DGKI: variants seen among roughly 807,000 people sequenced by gnomAD.
The protein encoded by DGKI is DAG kinase iota.
In DGKI, 55 loss-of-function variants were observed where a neutral mutation model predicts 147.5. The ratio of observed to expected loss-of-function variants is 0.37; its 90% CI spans 0.30 to 0.47. The LOEUF (loss-of-function observed/expected upper bound fraction) is 0.47. Among genes scored for constraint, DGKI ranks in the 20% least tolerant of loss-of-function variants. The pLI, the probability that DGKI is intolerant of heterozygous loss-of-function variation, is 1.00. For synonymous variants in DGKI, 469 were observed against 477.1 expected (o/e 0.98, Z 0.22); for missense variants, 1,007 against 1,323.8 (o/e 0.76, Z 3.71).
chr7:137,789,735 G>A (rs1796791622), intron 1 of DGKI, among the ~76,000 whole-genome samples: 1 of 152,146 alleles, frequency 6.6e-6, no homozygotes, highest in Non-Finnish European at 1.5e-5. Context: ...GCGCAATTCT[G>A]TATTTTGATA....
rs757239342 is a variant in DGKI at position 137,487,651 on chromosome 7, C to T, written c.2287G>A (p.Asp763Asn). ...LGILVVRGDC[D>N]LETCRMYIDR... ...ATGTACATACGGCAAGTCTCCAAAT[C>T]ACAGTCTCCACGCACAACTAGAATA... The change falls in exon 22 of 33, where the codon GAT (aspartate) becomes AAT (asparagine). Residue 763 changes from aspartate to asparagine, a missense_variant. By Grantham distance (23) the Asp-to-Asn change is conservative. Transcript: ENST00000614521. 1 of 1,613,816 alleles carries T rather than the reference C, an allele frequency of 6.2e-7. No homozygotes were observed. Among genetic ancestry groups the T allele is most frequent in the Non-Finnish European group, 8.5e-7 (1 of 1,179,770 alleles).
intron 22 of DGKI, 136 bp from the exon 23 acceptor site, chr7:137,485,554 T>C (rs1815526112): frequency 1.5e-6 from 1 of 677,070 alleles, no homozygotes; most frequent in Non-Finnish European, 2.5e-6. Context: ...CCCAAATTCA[T>C]AAAGGTTAAA....
chr7:137,728,873 T>C (rs997338226), intron 1 of DGKI, among the ~76,000 whole-genome samples: 9 of 152,146 alleles, frequency 5.9e-5, no homozygotes, highest in Non-Finnish European at 5.9e-5. Context: ...TCTACTATGA[T>C]TGATTTTGAG....
chr7:137,498,794 T>C (rs1202996281), intron 21 of DGKI, among the ~76,000 whole-genome samples: 3 of 152,184 alleles, frequency 2.0e-5, no homozygotes, highest in African/African-American at 7.2e-5. Flanking sequence ...ATTGACACTA[T>C]ATTACCCCCT....
At chr7:137,603,001 A>G (rs540729756) in intron 10 of DGKI, among the ~76,000 whole-genome samples, 1 of 152,282 alleles carries the variant, frequency 6.6e-6, no homozygotes, top group African/African-American at 2.4e-5. Context: ...GGTATTCCTA[A>G]GGAGTAAAAG....
At chr7:137,505,274 G>T (rs934011351) in intron 21 of DGKI, among the ~76,000 whole-genome samples, 1 of 152,172 alleles carries the variant, frequency 6.6e-6, no homozygotes, top group Non-Finnish European at 1.5e-5. Flanking sequence ...ACATAATGAT[G>T]CCTTCTCCTT....
intron 1 of DGKI, among the ~76,000 whole-genome samples, chr7:137,728,707 T>A (rs916888365): frequency 6.6e-6 from 1 of 152,162 alleles, no homozygotes; most frequent in Middle Eastern, 3.2e-3. Context: ...TCACCAGCTT[T>A]TCCCCCCATG....
intron 6 of DGKI, among the ~76,000 whole-genome samples, chr7:137,639,005 T>C (rs1447318688): frequency 6.6e-6 from 1 of 152,174 alleles, no homozygotes; most frequent in Admixed American, 6.5e-5. Flanking sequence ...GCTTTACATA[T>C]ATGATCTCAT....
chr7:137,585,105 T>G, intron 14 of DGKI, 104 bp downstream of exon 14: 1 of 1,305,584 alleles, frequency 7.7e-7, no homozygotes, highest in East Asian at 2.3e-5. Flanking sequence ...TCACATTATC[T>G]CATAGGAATT....
intron 1 of DGKI, among the ~76,000 whole-genome samples, chr7:137,764,147 G>A (rs1432326101): frequency 3.9e-5 from 6 of 152,228 alleles, no homozygotes; most frequent in East Asian, 1.9e-4. Flanking sequence ...AGATGTGAAC[G>A]GTGTTGCCCT....
intron 19 of DGKI, among the ~76,000 whole-genome samples, chr7:137,555,223 T>G (rs537843696): frequency 2.6e-5 from 4 of 151,650 alleles, no homozygotes; most frequent in Admixed American, 6.6e-5. Flanking sequence ...CAAAATTATT[T>G]TCTTTATTAA....
At position 137,466,010 on chromosome 7, in the gene DGKI, A is replaced by T; in HGVS notation, c.2510T>A (p.Ile837Asn). The change falls in exon 26 of 33, where the codon ATT becomes AAT. Residue 837 changes from isoleucine (I) to asparagine (N), a missense_variant. This residue lies in a region of DGKI where 385 missense variants were observed against 445.2 expected (regional missense o/e 0.86). Transcript: ENST00000614521. Reference protein sequence around the residue: ...SQEHLHFVMEISQDEIFILDP... With the variant: ...SQEHLHFVMENSQDEIFILDP... The stretch of plus-strand genomic sequence containing the variant: ...CAGAATAAAAATCTCATCTTGGGAA[A>T]TCTCCATCACAAAGTGCAAATGTTC... 6.2e-7 allele frequency: 1 copy of T among 1,614,056 alleles called. No individual in the cohort carries two copies. The highest frequency in any genetic ancestry group is 8.5e-7 in the Non-Finnish European group (1 of 1,179,924).
intron 14 of DGKI, among the ~76,000 whole-genome samples, chr7:137,584,775 T>G (rs1013661993): frequency 1.3e-5 from 2 of 152,232 alleles, no homozygotes; most frequent in Non-Finnish European, 2.9e-5. Flanking sequence ...GTGGTAACAC[T>G]GGCATAGTTA....
intron 1 of DGKI, among the ~76,000 whole-genome samples, chr7:137,719,826 A>C (rs555899403): frequency 6.6e-6 from 1 of 152,114 alleles, no homozygotes; most frequent in Non-Finnish European, 1.5e-5. Flanking sequence ...TACCACTGCA[A>C]CTATAAACTA....
intron 1 of DGKI, among the ~76,000 whole-genome samples, chr7:137,842,404 C>T (rs529779282): frequency 1.3e-5 from 2 of 152,292 alleles, no homozygotes; most frequent in South Asian, 2.1e-4. Flanking sequence ...CAAACTAAAG[C>T]GTTTAATACT....
intron 1 of DGKI, among the ~76,000 whole-genome samples, chr7:137,783,395 G>C (rs1215845676): frequency 6.6e-6 from 1 of 152,196 alleles, no homozygotes; most frequent in East Asian, 1.9e-4. Context: ...TCAAAGACAA[G>C]GCTTTCAAAT....
At position 137,656,542 on chromosome 7, in the gene DGKI, T is replaced by C; in HGVS notation, c.607-2A>G. On this transcript the variant is annotated splice_acceptor_variant, in intron 3 of 32. Transcript: ENST00000614521. LOFTEE classifies it high-confidence loss of function. ...ACACTTCCTCCTGAGAGCTGATTTC[T>C]ACAATATTCAATTCAAAAGACAAAA... 3 of 1,614,102 alleles carry C rather than the reference T, an allele frequency of 1.9e-6. No individual in the cohort carries two copies. The highest frequency in any genetic ancestry group is 2.5e-6 in the Non-Finnish European group (3 of 1,179,960).
At chr7:137,838,707 C>T (rs1445258795) in intron 1 of DGKI, among the ~76,000 whole-genome samples, 1 of 152,178 alleles carries the variant, frequency 6.6e-6, no homozygotes, top group Non-Finnish European at 1.5e-5. Context: ...TTCACCTCCT[C>T]AAAATTTATT....
intron 28 of DGKI, among the ~76,000 whole-genome samples, chr7:137,441,480 C>A (rs1038294112): frequency 8.1e-5 from 12 of 148,162 alleles, no homozygotes; most frequent in Non-Finnish European, 3.0e-5. Flanking sequence ...CTCAATTGAA[C>A]TTGCTACAAT....
Sources: gnomAD v4.1 joint callset for allele counts (sites outside exome capture counted in the v4.1 genomes callset) on GRCh38, gnomAD v4.1.1 for gene constraint, gnomAD v4.1.1 regional missense constraint, MANE v1.5 for transcripts, NCBI Gene and HGNC (gene_info 2026-07-23, HGNC 2026-07-21) for gene names.